SHCBP1: variants seen among roughly 807,000 people sequenced by gnomAD.
The protein encoded by SHCBP1 is SHC binding and spindle associated 1.
In SHCBP1, 60 loss-of-function variants were observed where a neutral mutation model predicts 75.1. The observed-to-expected ratio is 0.80, with a 90% CI of 0.65 to 0.99. The LOEUF (loss-of-function observed/expected upper bound fraction) is 0.99. Ranked by LOEUF, SHCBP1 falls within the 50% of genes least tolerant of loss-of-function variation. The pLI is 0.00. For missense variants in SHCBP1, 709 were observed against 809.4 expected, an observed-to-expected ratio of 0.88 and a Z score of 1.50; for synonymous variants, 290 against 293.2, an observed-to-expected ratio of 0.99 and a Z score of 0.11.
chr16:46,605,997 A>C (rs1366281687), intron 5 of SHCBP1, among the ~76,000 whole-genome samples: 1 of 152,074 alleles, frequency 6.6e-6, no homozygotes, highest in Non-Finnish European at 1.5e-5. Flanking sequence ...AAATTTAAAA[A>C]TTTTAAAAAT....
intron 12 of SHCBP1, 116 bp downstream of exon 12, chr16:46,583,400 C>T: frequency 9.2e-7 from 1 of 1,091,972 alleles, no homozygotes; most frequent in Non-Finnish European, 1.3e-6. Flanking sequence ...CTCTCCATGC[C>T]CAAGCATATC....
chr16:46,596,201 G>A (rs1965138191), intron 9 of SHCBP1, among the ~76,000 whole-genome samples: 1 of 152,000 alleles, frequency 6.6e-6, no homozygotes, highest in South Asian at 2.1e-4. Context: ...ATCACACTAT[G>A]TACATAAAAA....
intron 10 of SHCBP1, 104 bp downstream of exon 10, chr16:46,595,448 T>C: frequency 1.1e-6 from 1 of 894,708 alleles, no homozygotes; most frequent in Non-Finnish European, 1.9e-6. Context: ...GAGATGACTG[T>C]CTGAAGAGAG....
chr16:46,584,183 C>G (rs1964917959), intron 10 of SHCBP1, 94 bp from the exon 11 acceptor site: 7 of 790,672 alleles, frequency 8.9e-6, no homozygotes, highest in Non-Finnish European at 1.4e-5. Flanking sequence ...TAACACAGTA[C>G]AAATGTACAG....
rs764826820 is a variant in SHCBP1, at chr16:46,617,655, A to T, written c.366T>A (p.Asn122Lys). The change falls in exon 3 of 13, where the codon AAT becomes AAA. Residue 122 changes from asparagine to lysine, a missense_variant. Transcript: ENST00000303383. The part of the protein sequence containing the change: ...PSGWRAVWHT[N>K]VFKVLVEITD... ...TTACCTCAACCAGCACCTTGAACAC[A>T]TTAGTGTGCCAGACTGCCCGCCATC... 5.6e-6 allele frequency: 9 copies of T among 1,613,846 alleles called. No individual in the cohort carries two copies. In the Admixed American group the frequency reaches 1.5e-4, roughly 27 times the overall value.
Position 46,580,172 on chromosome 16 carries a change from T to TA in SHCBP1, c.*1556dup, listed in dbSNP as rs1399757880. Among the ~76,000 whole-genome samples, 1 of 151,780 alleles carries TA rather than the reference T, an allele frequency of 6.6e-6. No individual in the cohort carries two copies. On this transcript the variant is annotated 3_prime_UTR_variant, in exon 13 of 13. Transcript: ENST00000303383. ...TTTTTTAAGTTGAATAAATGGTTTT[T>TA]ATCTTAAGGCATCACATCTAGAGGC...
At chr16:46,614,407 G>T (rs536110530) in intron 4 of SHCBP1, among the ~76,000 whole-genome samples, 14 of 152,122 alleles carry the variant, frequency 9.2e-5, no homozygotes, top group African/African-American at 3.4e-4. Flanking sequence ...AAGGAATATG[G>T]GTCTATTTTT....
At chr16:46,600,144 AT>A (rs982340492) in intron 8 of SHCBP1, among the ~76,000 whole-genome samples, 182 bp from the exon 9 acceptor site, 1 of 152,144 alleles carries the variant, frequency 6.6e-6, no homozygotes, top group Non-Finnish European at 1.5e-5. Context: ...AGGGTATCCA[AT>A]TTTTAACAAT....
chr16:46,581,830 G>T lies in SHCBP1; in HGVS notation c.1918C>A (p.Gln640Lys). The T allele has an allele frequency of 6.2e-7, 1 of 1,614,166 alleles. No individual in the cohort carries two copies. The highest frequency in any genetic ancestry group is 8.5e-7 in the Non-Finnish European group (1 of 1,180,034). The change falls in exon 13 of 13, where the codon CAA becomes AAA. Residue 640 changes from glutamine to lysine, a missense_variant. Coordinates refer to ENST00000303383, the MANE Select transcript of SHCBP1 (RefSeq NM_024745.5). Reference protein sequence around the residue: ...KKRLSELGITQADDNLMSQEM... With the variant: ...KKRLSELGITKADDNLMSQEM... The stretch of plus-strand genomic sequence containing the variant: ...TGTGACATTAAGTTGTCATCAGCTT[G>T]CGTGATCCCCAGTTCACTCAACCTT...
In SHCBP1 at chr16:46,584,008, T is replaced by A. The variant is rs745961632; in HGVS notation, c.1546A>T (p.Ile516Phe). The part of the protein sequence containing the change: ...GIHHCKEGIL[I>F]KDFLDEHYDI... Reference sequence around the variant, plus strand: ...GTGTTTTGGCTGATGCTCACCTTAATGAGGATCCCTTCCTTGCAGTGATGG... The same window carrying A: ...GTGTTTTGGCTGATGCTCACCTTAAAGAGGATCCCTTCCTTGCAGTGATGG... The change falls in exon 11 of 13, where the codon ATT becomes TTT. Residue 516 changes from isoleucine to phenylalanine, a missense_variant. By Grantham distance (21) the Ile-to-Phe change is conservative (BLOSUM62 0). Transcript: ENST00000303383. 3 of 1,605,320 alleles carry A rather than the reference T, an allele frequency of 1.9e-6. No homozygotes were observed. Among genetic ancestry groups the A allele is most frequent in the Non-Finnish European group, 1.7e-6 (2 of 1,175,268 alleles).
rs1965579871 is a variant in SHCBP1, at chr16:46,621,016, G to A, written c.103+241C>T. 1.2e-5 allele frequency: 5 copies of A among 426,014 alleles called. No homozygotes were observed. The South Asian group carries it at 3.1e-4, about 26-fold the overall frequency. The allele number at this position is 426,014 out of a possible 1,614,324, so 26.4% of individuals were successfully genotyped here. A position where few individuals can be genotyped will look rare whatever the true frequency, so the allele number is the denominator to read the frequency against. On this transcript the variant is annotated intron_variant, in intron 1 of 12. Transcript: ENST00000303383. ...ATCCAGCTCCCTCCAACCTCGGGGC[G>A]GGCGGAGGCCAGAGAGTGCAGGGAG...
chr16:46,619,292 C>T (rs1965550030), intron 1 of SHCBP1, among the ~76,000 whole-genome samples: 2 of 152,214 alleles, frequency 1.3e-5, no homozygotes, highest in Non-Finnish European at 2.9e-5. Flanking sequence ...GTAGAGTAGT[C>T]TCCAGAAGTG....
In SHCBP1 at chr16:46,603,674, G is replaced by C. The variant is rs770687414; in HGVS notation, c.1093-15C>G. On this transcript the variant is annotated splice_polypyrimidine_tract_variant and intron_variant, in intron 7 of 12. Transcript: ENST00000303383. ...TCACTATGGAACTAGAAAACAATAA[G>C]AACACATTTGTAAATATACACTCCC... is the stretch of plus-strand genomic sequence containing the variant. 1.2e-6 allele frequency: 2 copies of C among 1,613,786 alleles called. No homozygotes were observed. Among genetic ancestry groups the C allele is most frequent in the Non-Finnish European group, 1.7e-6 (2 of 1,179,874 alleles).
chr16:46,617,599 T>TAGA (rs1965520703), intron 3 of SHCBP1, 35 bp downstream of exon 3: 2 of 1,551,972 alleles, frequency 1.3e-6, no homozygotes, highest in Admixed American at 3.4e-5. Context: ...TGCTTAAAGC[T>TAGA]AGAGACAAAG....
At chr16:46,615,779 AT>A (rs1004741534) in intron 4 of SHCBP1, among the ~76,000 whole-genome samples, 166 bp downstream of exon 4, 17 of 152,068 alleles carry the variant, frequency 1.1e-4, no homozygotes, top group African/African-American at 3.6e-4. Context: ...AACATTTTTA[AT>A]TTTTTTTAAT....
At chr16:46,592,664 A>G (rs558495193) in intron 10 of SHCBP1, among the ~76,000 whole-genome samples, 1 of 152,212 alleles carries the variant, frequency 6.6e-6, no homozygotes, top group African/African-American at 2.4e-5. Flanking sequence ...ACTAGAGTCC[A>G]ATATTCATGA....
chr16:46,590,670 G>A (rs1233114454), intron 10 of SHCBP1, among the ~76,000 whole-genome samples: 1 of 152,202 alleles, frequency 6.6e-6, no homozygotes, highest in Admixed American at 6.5e-5. Flanking sequence ...GGAAGCAACA[G>A]GAGCTGGAGA....
At chr16:46,583,186 C>T (rs1443590018) in intron 12 of SHCBP1, among the ~76,000 whole-genome samples, 1 of 152,068 alleles carries the variant, frequency 6.6e-6, no homozygotes, top group African/African-American at 2.4e-5. Context: ...GTCACACACC[C>T]ACCATAGCAT....
chr16:46,611,208 G>A (rs1322275719), intron 4 of SHCBP1, among the ~76,000 whole-genome samples: 1 of 152,216 alleles, frequency 6.6e-6, no homozygotes, highest in Admixed American at 6.5e-5. Context: ...TTCCTGCCTT[G>A]CACCCTGAAC....
Sources: gnomAD v4.1 joint callset for allele counts (sites outside exome capture counted in the v4.1 genomes callset) on GRCh38, gnomAD v4.1.1 for gene constraint, MANE v1.5 for transcripts, NCBI Gene and HGNC (gene_info 2026-07-23, HGNC 2026-07-21) for gene names.